The following PRKCH variants were observed in gnomAD, a reference collection of about 807,000 sequenced individuals.
PRKCH encodes the protein protein kinase C eta, also known as protein kinase C eta type.
A neutral mutation model predicts 82.5 loss-of-function variants in PRKCH; 28 were observed. That is an observed-to-expected ratio of 0.34 (90% CI 0.25 to 0.47). PRKCH has a LOEUF of 0.47. Among genes scored for constraint, PRKCH ranks in the 20% least tolerant of loss-of-function variants. The pLI, the probability that PRKCH is intolerant of heterozygous loss-of-function variation, is 1.00. For missense variants in PRKCH, 705 were observed against 881.8 expected, an observed-to-expected ratio of 0.80 and a Z score of 2.54; for synonymous variants, 322 against 327.4, an observed-to-expected ratio of 0.98 and a Z score of 0.18.
chr14:61,516,462 A>G (rs2042830692), intron 10 of PRKCH, among the ~76,000 whole-genome samples: 1 of 152,202 alleles, frequency 6.6e-6, no homozygotes, highest in African/African-American at 2.4e-5. Flanking sequence ...TCACACTTGC[A>G]CATTTAATAA....
chr14:61,266,277 G>A (rs370363345), intron 1 of PRKCH, among the ~76,000 whole-genome samples: 14 of 151,192 alleles, frequency 9.3e-5, no homozygotes, highest in African/African-American at 2.9e-4. Context: ...AATTAGCTGG[G>A]TGTGATGGCA....
Position 61,416,053 on chromosome 14 carries a change from C to CTTTTTTTTTTTT in PRKCH, c.427+24775_427+24786dup, listed in dbSNP as rs71117815. ...CCTCTTTTTTCTTTTCTTTTCTTTT[C>CTTTTTTTTTTTT]TTTTTTTTTTTTTTTTTTTTTGAGA... On this transcript the variant is annotated intron_variant, in intron 2 of 13. Coordinates refer to ENST00000332981, the MANE Select transcript of PRKCH (RefSeq NM_006255.5). 3.9e-3 allele frequency among the ~76,000 whole-genome samples: 371 copies of CTTTTTTTTTTTT among 94,116 alleles called. 2 individuals are homozygous for CTTTTTTTTTTTT. Among genetic ancestry groups the CTTTTTTTTTTTT allele is most frequent in the East Asian group, 7.4e-3 (23 of 3,088 alleles). 61.7% of individuals were successfully genotyped at this position (94,116 alleles called of 152,430 possible). A position where few individuals can be genotyped will look rare whatever the true frequency, so the allele number is the denominator to read the frequency against.
At chr14:61,537,775 G>A (rs1231612907) in intron 12 of PRKCH, 1 of 152,214 alleles carries the variant, frequency 6.6e-6, no homozygotes, top group African/African-American at 2.4e-5. Flanking sequence ...TGTAAACTTG[G>A]CATCAGAAGG....
chr14:61,460,336 G>T (rs545604912), intron 9 of PRKCH, among the ~76,000 whole-genome samples: 15 of 152,222 alleles, frequency 9.9e-5, no homozygotes, highest in Non-Finnish European at 2.2e-4. Context: ...CATTGTTGCA[G>T]TGAGTCCCCT....
At position 61,381,812 on chromosome 14, in the gene PRKCH, G is replaced by A. The variant is rs562441106; in HGVS notation, c.364-9413G>A. 8.5e-5 allele frequency among the ~76,000 whole-genome samples: 13 copies of A among 152,340 alleles called. No homozygotes were observed. In the South Asian group the frequency reaches 2.7e-3, roughly 32 times the overall value. On this transcript the variant is annotated intron_variant, in intron 1 of 13. Transcript: ENST00000332981. Reference sequence around the variant, plus strand: ...CTCCCAGGGGAATGAGTGGTGTGATGACCTCATGTGCCAGAAGCCAGGGCA... The same window carrying A: ...CTCCCAGGGGAATGAGTGGTGTGATAACCTCATGTGCCAGAAGCCAGGGCA...
intron 1 of PRKCH, among the ~76,000 whole-genome samples, chr14:61,332,428 A>C (rs2045801879): frequency 6.6e-6 from 1 of 152,212 alleles, no homozygotes; most frequent in South Asian, 2.1e-4. Context: ...TGTAGTAGAA[A>C]GCCCACTTAA....
At chr14:61,376,389 C>T (rs1203403316) in intron 1 of PRKCH, among the ~76,000 whole-genome samples, 1 of 152,174 alleles carries the variant, frequency 6.6e-6, no homozygotes, top group Admixed American at 6.5e-5. Flanking sequence ...CTACCTGCAG[C>T]CCAGCCCTTT....
At chr14:61,530,361 T>G in intron 11 of PRKCH, 46 bp from the exon 12 acceptor site, 2 of 1,440,726 alleles carry the variant, frequency 1.4e-6, no homozygotes, top group Non-Finnish European at 1.8e-6. Flanking sequence ...ACACATTTGT[T>G]AATCTGATGT....
intron 9 of PRKCH, among the ~76,000 whole-genome samples, chr14:61,475,495 G>C (rs923604896): frequency 6.6e-6 from 1 of 152,176 alleles, no homozygotes; most frequent in Non-Finnish European, 1.5e-5. Context: ...TGCCCAGTTA[G>C]CAATCATCTC....
chr14:61,302,204 T>C (rs779917599), intron 1 of PRKCH, among the ~76,000 whole-genome samples: 1 of 152,256 alleles, frequency 6.6e-6, no homozygotes, highest in Non-Finnish European at 1.5e-5. Context: ...CTATGTGATC[T>C]GTGGCATAAA....
intron 2 of PRKCH, among the ~76,000 whole-genome samples, chr14:61,405,204 A>G (rs1300532066): frequency 6.6e-6 from 1 of 152,218 alleles, no homozygotes; most frequent in African/African-American, 2.4e-5. Context: ...CCAGCTTAAT[A>G]AGCATTAAAA....
chr14:61,533,854 G>GA (rs751908194), intron 12 of PRKCH, among the ~76,000 whole-genome samples: 1 of 152,192 alleles, frequency 6.6e-6, no homozygotes, highest in Non-Finnish European at 1.5e-5. Flanking sequence ...CCTTATCTCT[G>GA]AAAAAGTATT....
At chr14:61,271,182 T>C (rs1050086854) in intron 1 of PRKCH, among the ~76,000 whole-genome samples, 3 of 152,210 alleles carry the variant, frequency 2.0e-5, no homozygotes, top group African/African-American at 7.2e-5. Context: ...TTTGATACAC[T>C]GTTTGCCCTC....
chr14:61,247,543 C>T (rs2044896390), intron 1 of PRKCH, among the ~76,000 whole-genome samples: 1 of 151,824 alleles, frequency 6.6e-6, no homozygotes, highest in African/African-American at 2.4e-5. Context: ...CGAGACCAGC[C>T]TGGCCAACAT....
At chr14:61,318,412 G>T (rs1450275833), upstream of PRKCH, among the ~76,000 whole-genome samples, 1 of 138,264 alleles carries the variant, frequency 7.2e-6, no homozygotes, top group Non-Finnish European at 1.5e-5. Flanking sequence ...CCTATGTCGC[G>T]CAGGGTGGTC....
intron 10 of PRKCH, among the ~76,000 whole-genome samples, chr14:61,524,764 A>T (rs1363855537): frequency 6.6e-6 from 1 of 152,340 alleles, no homozygotes; most frequent in East Asian, 1.9e-4. Flanking sequence ...CAACATGAGG[A>T]TAAGTGTTCT....
intron 1 of PRKCH, among the ~76,000 whole-genome samples, chr14:61,368,520 A>G (rs2046327256): frequency 6.6e-6 from 1 of 152,062 alleles, no homozygotes; most frequent in Non-Finnish European, 1.5e-5. Flanking sequence ...CAGGCTCTGC[A>G]GAGTTGCTGC....
intron 10 of PRKCH, among the ~76,000 whole-genome samples, chr14:61,516,364 C>G (rs981170181): frequency 6.6e-6 from 1 of 152,124 alleles, no homozygotes; most frequent in Admixed American, 6.5e-5. Flanking sequence ...ACTTTTTAAA[C>G]TAAAAGTAAC....
rs557122984 is a variant in PRKCH at position 61,364,036 on chromosome 14, AAT to A, written c.364-27174_364-27173del. On this transcript the variant is annotated intron_variant, in intron 1 of 13. Coordinates refer to ENST00000332981, the MANE Select transcript of PRKCH (RefSeq NM_006255.5). ...TGTATATATATATTTGTATATATAT[AAT>A]ATATATATATATATTTGTGTGTATA... 2.5e-4 allele frequency among the ~76,000 whole-genome samples: 37 copies of A among 145,364 alleles called. No homozygotes were observed. The East Asian group carries it at 2.6e-3, about 10-fold the overall frequency.
Sources: allele counts gnomAD v4.1 joint callset (sites outside exome capture counted in the v4.1 genomes callset), GRCh38; gene constraint gnomAD v4.1.1; transcripts MANE v1.5; gene names NCBI Gene and HGNC (gene_info 2026-07-23, HGNC 2026-07-21).